Variants in POLD3 observed in about 807,000 individuals in gnomAD.
The protein encoded by POLD3 is DNA polymerase delta subunit 3.
In POLD3, 19 loss-of-function variants were observed where a neutral mutation model predicts 58.2. The ratio of observed to expected loss-of-function variants is 0.33; its 90% confidence interval spans 0.23 to 0.48. The LOEUF (loss-of-function observed/expected upper bound fraction) is 0.48. Ranked by LOEUF, POLD3 falls within the 20% of genes least tolerant of loss-of-function variation. POLD3 has a pLI of 0.99. For synonymous variants in POLD3, 172 were observed against 193.5 expected, an observed-to-expected ratio of 0.89 and a Z score of 0.92; for missense variants, 504 against 545.5, an observed-to-expected ratio of 0.92 and a Z score of 0.76.
At position 74,629,289 on chromosome 11, in the gene POLD3, C is replaced by A; in HGVS notation, c.972C>A (p.Ile324=). Residue 324 remains isoleucine, a synonymous_variant, in exon 9 of 12, where the codon ATC becomes ATA. Coordinates refer to ENST00000263681, the MANE Select transcript of POLD3 (RefSeq NM_006591.3). ...ACATGAGGAAAAAGAGGAGAAGAATCAAACTTCCTGAATCTGATAGCAGTG... is the reference window on the plus strand; with the variant it reads ...ACATGAGGAAAAAGAGGAGAAGAATAAAACTTCCTGAATCTGATAGCAGTG... ...TENMRKKRRR[I]KLPESDSSED... is the part of the protein sequence containing the mutation. The A allele has an allele frequency of 6.2e-7, 1 of 1,607,826 alleles. No individual in the cohort carries two copies. The highest frequency in any genetic ancestry group is 1.1e-5 in the South Asian group (1 of 90,790).
At chr11:74,665,637 T>G (rs1323946352) in intron 4 of POLD3, among the ~76,000 whole-genome samples, 1 of 152,032 alleles carries the variant, frequency 6.6e-6, no homozygotes, top group Non-Finnish European at 1.5e-5. Flanking sequence ...TGACCTCAGG[T>G]GATCCGCCTA....
rs200822835 is a variant in POLD3, at chr11:74,594,046, T to G, written c.61-15T>G. 6.4e-7 allele frequency: 1 copy of G among 1,554,554 alleles called. No individual in the cohort carries two copies. The highest frequency in any genetic ancestry group is 8.9e-7 in the Non-Finnish European group (1 of 1,126,930). ...TCATCTAATAAAACATTTGAAAAATTTTTTCTTGTTACAGGTGACATACAA... is the reference window on the plus strand; with the variant it reads ...TCATCTAATAAAACATTTGAAAAATGTTTTCTTGTTACAGGTGACATACAA... On this transcript the variant is annotated splice_polypyrimidine_tract_variant and intron_variant, in intron 1 of 11. Transcript: ENST00000263681.
intron 11 of POLD3, among the ~76,000 whole-genome samples, chr11:74,636,792 C>CA (rs2032763309): frequency 6.6e-6 from 1 of 152,136 alleles, no homozygotes; most frequent in Non-Finnish European, 1.5e-5. Flanking sequence ...GGGTATGACT[C>CA]ATCGAGATTG....
At chr11:74,649,245 A>G (rs1247116192) in intron 4 of POLD3, among the ~76,000 whole-genome samples, 2 of 152,196 alleles carry the variant, frequency 1.3e-5, no homozygotes, top group African/African-American at 2.4e-5. Context: ...CACCTATTCT[A>G]TGCCAGATGC....
intron 5 of POLD3, among the ~76,000 whole-genome samples, chr11:74,614,476 C>T (rs1189821221): frequency 3.0e-4 from 46 of 152,062 alleles, no homozygotes; most frequent in Admixed American, 3.0e-3. Flanking sequence ...TTTGGGAGGC[C>T]GAGGCAGGTG....
chr11:74,592,650 T>G lies in POLD3; in HGVS notation c.-9T>G, dbSNP rs746786149. 3 of 1,608,854 alleles carry G rather than the reference T, an allele frequency of 1.9e-6. No individual in the cohort carries two copies. The highest frequency in any genetic ancestry group is 1.7e-4 in the Middle Eastern group (1 of 6,042). On this transcript the variant is annotated 5_prime_UTR_variant, in exon 1 of 12. Transcript: ENST00000263681. ...AGGGGTTAGAGGCGGGTCCCAGCGC[T>G]GCCGCACCATGGCGGACCAGCTTTA...
rs2032950391 is a variant in POLD3 at position 74,642,904 on chromosome 11, GA to G, written c.*2141del. On this transcript the variant is annotated 3_prime_UTR_variant, in exon 12 of 12. Transcript: ENST00000263681. Reference sequence around the variant, plus strand: ...CTTCATCGTTTTTTTCAGCACTGGGGAAATGTTAGTTTCAGCCAACCTCATT... The same window carrying G: ...CTTCATCGTTTTTTTCAGCACTGGGGAATGTTAGTTTCAGCCAACCTCATT... 16 of 985,114 alleles carry G rather than the reference GA, an allele frequency of 1.6e-5. No homozygotes were observed. Among genetic ancestry groups the G allele is most frequent in the Non-Finnish European group, 1.9e-5 (16 of 829,810 alleles). The allele number at this position is 985,114 out of a possible 1,614,324, so 61.0% of individuals were successfully genotyped here.
intron 5 of POLD3, among the ~76,000 whole-genome samples, chr11:74,615,690 G>T (rs1050295757): frequency 4.6e-5 from 7 of 152,272 alleles, no homozygotes; most frequent in African/African-American, 1.7e-4. Flanking sequence ...GCTGTAGGAA[G>T]AAAAGGTTGA....
intron 4 of POLD3, among the ~76,000 whole-genome samples, chr11:74,665,437 C>G (rs2033256674): frequency 7.9e-6 from 1 of 125,816 alleles, no homozygotes; most frequent in East Asian, 2.4e-4. Flanking sequence ...TGCTCTGTCA[C>G]CCAGGCTGGA....
At chr11:74,619,418 C>T (rs887528145) in intron 6 of POLD3, among the ~76,000 whole-genome samples, 7 of 152,048 alleles carry the variant, frequency 4.6e-5, no homozygotes, top group Admixed American at 6.6e-5. Flanking sequence ...TAATTCAGAT[C>T]ACTGTCATTT....
intron 3 of POLD3, among the ~76,000 whole-genome samples, chr11:74,607,331 C>G (rs1391493843): frequency 6.7e-6 from 1 of 150,326 alleles, no homozygotes; most frequent in Non-Finnish European, 1.5e-5. Context: ...GGCGTGAACT[C>G]AGCTCACTGC....
intron 7 of POLD3, among the ~76,000 whole-genome samples, chr11:74,624,633 A>G (rs2032376153): frequency 6.6e-6 from 1 of 152,216 alleles, no homozygotes; most frequent in African/African-American, 2.4e-5. Flanking sequence ...TGAAGGCTAG[A>G]TGACATGCTT....
chr11:74,638,324 CCTGA>C (rs10537359), intron 11 of POLD3, among the ~76,000 whole-genome samples: 3,608 of 151,960 alleles, frequency 0.024, 137 homozygotes, highest in African/African-American at 0.081. Flanking sequence ...TTGGTGCTGC[CCTGA>C]CTGTTTTTTA....
chr11:74,611,005 C>T (rs937029970), intron 3 of POLD3, among the ~76,000 whole-genome samples: 4 of 152,114 alleles, frequency 2.6e-5, no homozygotes, highest in African/African-American at 7.2e-5. Context: ...AAACTCCTGA[C>T]CTCAGGTGAT....
chr11:74,592,807 G>A, intron 1 of POLD3, 89 bp downstream of exon 1: 1 of 1,569,976 alleles, frequency 6.4e-7, no homozygotes, highest in Admixed American at 1.9e-5. Flanking sequence ...CTGTCTGCTT[G>A]TGGCTTCGTG....
chr11:74,658,696 C>T lies in POLD3; in HGVS notation c.370-10081C>T, dbSNP rs566870855. Among the ~76,000 whole-genome samples, 339 of 152,308 alleles carry T rather than the reference C, an allele frequency of 2.2e-3. 2 individuals carry two copies. Among genetic ancestry groups the T allele is most frequent in the African/African-American group, 7.7e-3 (318 of 41,564 alleles). On this transcript the variant is annotated intron_variant, in intron 4 of 4. Coordinates refer to the POLD3 transcript ENST00000524752. ...CTTGCAAGTCCGAAATCCAGCAGGG[C>T]AGTCAAATTTTAAAGCTACAAAATG...
chr11:74,606,719 A>G (rs553774076), intron 3 of POLD3, among the ~76,000 whole-genome samples: 8 of 152,324 alleles, frequency 5.3e-5, no homozygotes, highest in African/African-American at 1.9e-4. Context: ...CTTAGATGAC[A>G]CTGAAAGTGT....
intron 2 of POLD3, among the ~76,000 whole-genome samples, chr11:74,598,438 A>G (rs1206714924): frequency 6.6e-6 from 1 of 152,186 alleles, no homozygotes; most frequent in Non-Finnish European, 1.5e-5. Flanking sequence ...TCTGATTACT[A>G]TTGCTGTGTC....
At chr11:74,664,531 C>T (rs1051270148) in intron 4 of POLD3, among the ~76,000 whole-genome samples, 4 of 152,058 alleles carry the variant, frequency 2.6e-5, no homozygotes, top group Non-Finnish European at 4.4e-5. Context: ...GAACATTTCC[C>T]AACTTACTCT....
Sources: gnomAD v4.1 joint callset for allele counts (sites outside exome capture counted in the v4.1 genomes callset) on GRCh38, gnomAD v4.1.1 for gene constraint, MANE v1.5 for transcripts, NCBI Gene and HGNC (gene_info 2026-07-23, HGNC 2026-07-21) for gene names.